The following THSD7B variants were observed in gnomAD, a reference collection of about 807,000 sequenced individuals.
THSD7B encodes the protein thrombospondin type-1 domain-containing protein 7B.
THSD7B carries 138 observed loss-of-function variants against 213.6 expected under a neutral mutation model. That is an observed-to-expected ratio of 0.65 (90% CI 0.56 to 0.74). The LOEUF is 0.74. THSD7B is among the 30% of genes least tolerant of loss of function. THSD7B has a pLI of 0.00. For synonymous variants in THSD7B, 742 were observed against 687.0 expected (o/e 1.08, Z -1.25); for missense variants, 1,931 against 1,991.5 (o/e 0.97, Z 0.58).
rs977464865 is a variant in THSD7B at position 137,339,099 on chromosome 2, AT to A, written c.2500+63080del. On this transcript the variant is annotated intron_variant, in intron 12 of 27. Transcript: ENST00000409968. ...TTAGAAATTGTTGAAGAATAAATAC[AT>A]TTTTTTCTGAATAAATATCTTTTGA... Among the ~76,000 whole-genome samples, 4 of 151,930 alleles carry A rather than the reference AT, an allele frequency of 2.6e-5. No individual in the cohort carries two copies. The East Asian group carries it at 5.8e-4, about 22-fold the overall frequency.
rs370934220 is a variant in THSD7B, at chr2:137,656,944, G to C, written c.4254G>C (p.Gln1418His). ...AGAACCAAGACAGCTGCCCCCAACA[G>C]GTTCTAGAAACACGCCCTTGTACAG... is the stretch of plus-strand genomic sequence containing the variant. ...SFENQDSCPQ[Q>H]VLETRPCTGG... The change falls in exon 23 of 28, where the codon CAG (glutamine) becomes CAC (histidine). Residue 1418 changes from glutamine to histidine, a missense_variant. Coordinates refer to ENST00000409968, the MANE Select transcript of THSD7B (RefSeq NM_001316349.2). The C allele has an allele frequency of 3.1e-6, 5 of 1,613,856 alleles. No individual in the cohort carries two copies. The African/African-American group carries it at 5.3e-5, about 17-fold the overall frequency.
At chr2:137,114,006 G>A (rs1280014234) in intron 4 of THSD7B, among the ~76,000 whole-genome samples, 2 of 152,012 alleles carry the variant, frequency 1.3e-5, no homozygotes, top group Non-Finnish European at 2.9e-5. Context: ...TCATTGTTAG[G>A]GATTTGTCAC....
At chr2:137,298,905 G>A (rs1683531134) in intron 12 of THSD7B, among the ~76,000 whole-genome samples, 2 of 152,214 alleles carry the variant, frequency 1.3e-5, no homozygotes, top group African/African-American at 4.8e-5. Context: ...GAGCAGTGCA[G>A]AATGGAACTG....
At position 137,086,041 on chromosome 2, in the gene THSD7B, A is replaced by T. The variant is rs550100349; in HGVS notation, c.951-8832A>T. Reference sequence around the variant, plus strand: ...TGTACTTAAACTCAGTAGGAAAAAAATACACGTTAGAAGTCTAAAAGTTGG... The same window carrying T: ...TGTACTTAAACTCAGTAGGAAAAAATTACACGTTAGAAGTCTAAAAGTTGG... On this transcript the variant is annotated intron_variant, in intron 3 of 27. Coordinates refer to ENST00000409968, the MANE Select transcript of THSD7B (RefSeq NM_001316349.2). 1.8e-4 allele frequency among the ~76,000 whole-genome samples: 28 copies of T among 152,266 alleles called. No homozygotes were observed. The South Asian group carries it at 5.8e-3, about 32-fold the overall frequency.
Position 137,016,225 on chromosome 2 carries a change from GC to G in THSD7B, c.140-40193del, listed in dbSNP as rs370147421. On this transcript the variant is annotated intron_variant, in intron 2 of 27. Transcript: ENST00000409968. ...AGTCACATATGAGGATTCTAGCCTG[GC>G]CAGCCTGATGTCAGAGTCTGCAATC... 9.2e-5 allele frequency among the ~76,000 whole-genome samples: 14 copies of G among 152,156 alleles called. No homozygotes were observed. The South Asian group carries it at 1.0e-3, about 11-fold the overall frequency.
chr2:137,245,690 C>G (rs1228053217), intron 10 of THSD7B, among the ~76,000 whole-genome samples: 1 of 152,156 alleles, frequency 6.6e-6, no homozygotes, highest in Non-Finnish European at 1.5e-5. Flanking sequence ...ATACTCTAAA[C>G]CCAGCCTAGT....
At chr2:136,786,004 C>T (rs1008492523) in intron 1 of THSD7B, among the ~76,000 whole-genome samples, 1 of 152,148 alleles carries the variant, frequency 6.6e-6, no homozygotes, top group African/African-American at 2.4e-5. Flanking sequence ...TTAACTGACA[C>T]ACAAGGATCA....
At chr2:137,216,886 C>A (rs1354856832) in intron 7 of THSD7B, among the ~76,000 whole-genome samples, 1 of 152,156 alleles carries the variant, frequency 6.6e-6, no homozygotes, top group Non-Finnish European at 1.5e-5. Flanking sequence ...TCTAGGTTAG[C>A]TGCCTAGTTG....
chr2:137,591,381 C>T (rs557652712), intron 17 of THSD7B, among the ~76,000 whole-genome samples: 1 of 151,952 alleles, frequency 6.6e-6, no homozygotes, highest in South Asian at 2.1e-4. Flanking sequence ...ATGTAGTATT[C>T]TCATTTTCAT....
In THSD7B at chr2:137,056,753, T is replaced by C. The variant is rs777760493; in HGVS notation, c.473T>C (p.Ile158Thr). 8.5e-5 allele frequency: 137 copies of C among 1,613,806 alleles called. No homozygotes were observed. Among genetic ancestry groups the C allele is most frequent in the Non-Finnish European group, 7.5e-5 (89 of 1,179,890 alleles). Residue 158 changes from isoleucine to threonine, a missense_variant, in exon 3 of 28, where the codon ATA becomes ACA. Ile to Thr is a moderately conservative substitution (Grantham distance 89, BLOSUM62 -1). Transcript: ENST00000409968. The stretch of plus-strand genomic sequence containing the variant: ...AACCGAACTGTGGTTGCAAATGAAA[T>C]ATGCGAACACTTTGCCCTTCAGCCT... ...KLNRTVVANE[I>T]CEHFALQPPT...
intron 1 of THSD7B, among the ~76,000 whole-genome samples, chr2:136,863,573 G>A (rs912391051): frequency 6.6e-6 from 1 of 152,146 alleles, no homozygotes; most frequent in African/African-American, 2.4e-5. Context: ...GATGGCTGTC[G>A]CAGTGACTAT....
chr2:137,667,771 C>T lies in THSD7B; in HGVS notation c.4652-3C>T, dbSNP rs1683477734. 1.3e-6 allele frequency: 2 copies of T among 1,599,598 alleles called. No individual in the cohort carries two copies. Among genetic ancestry groups the T allele is most frequent in the South Asian group, 2.3e-5 (2 of 88,580 alleles). ...CTTCTTATGTTATCTCTATTTTAAACAGATGGCCGAGTAAAAATTTGGGTT... is the reference window on the plus strand; with the variant it reads ...CTTCTTATGTTATCTCTATTTTAAATAGATGGCCGAGTAAAAATTTGGGTT... On this transcript the variant is annotated splice_polypyrimidine_tract_variant and splice_region_variant and intron_variant, in intron 26 of 27. Transcript: ENST00000409968.
chr2:137,456,506 G>A (rs1177103488), intron 15 of THSD7B, among the ~76,000 whole-genome samples: 4 of 152,136 alleles, frequency 2.6e-5, no homozygotes, highest in African/African-American at 4.8e-5. Context: ...CAACCAGCCC[G>A]ACTCTCTGAT....
At chr2:137,222,875 A>C (rs1193857336) in intron 7 of THSD7B, among the ~76,000 whole-genome samples, 1 of 152,208 alleles carries the variant, frequency 6.6e-6, no homozygotes, top group Non-Finnish European at 1.5e-5. Flanking sequence ...CCTGGGTCAG[A>C]AAGGAGGAGC....
chr2:137,381,482 G>T (rs1209570265), intron 12 of THSD7B, among the ~76,000 whole-genome samples: 1 of 152,194 alleles, frequency 6.6e-6, no homozygotes, highest in Non-Finnish European at 1.5e-5. Flanking sequence ...CCAGGTGCAG[G>T]TGGGGTGCCT....
chr2:136,944,097 G>A (rs181182780), intron 2 of THSD7B, among the ~76,000 whole-genome samples: 72 of 152,030 alleles, frequency 4.7e-4, no homozygotes, highest in Non-Finnish European at 8.8e-4. Context: ...GTTCTTATTG[G>A]TTTCAAAAAA....
chr2:137,242,460 T>G lies in THSD7B; in HGVS notation c.2154T>G (p.Cys718Trp). The G allele has an allele frequency of 6.2e-7, 1 of 1,612,870 alleles. No individual in the cohort carries two copies. The highest frequency in any genetic ancestry group is 8.5e-7 in the Non-Finnish European group (1 of 1,178,910). The part of the protein sequence containing the change: ...SHVGQVMTKR[C>W]PDSTRPETVR... The stretch of plus-strand genomic sequence containing the variant: ...CATGGTCTTTTCACATTGACAGATG[T>G]CCAGATTCTACTCGACCTGAAACTG... Residue 718 changes from cysteine (C) to tryptophan (W), a missense_variant, in exon 10 of 28, where the codon TGT becomes TGG. Physicochemically the swap from Cys to Trp is radical, Grantham distance 215 (BLOSUM62 -2). Transcript: ENST00000409968.
intron 4 of THSD7B, among the ~76,000 whole-genome samples, chr2:137,105,604 G>A (rs541324471): frequency 9.9e-5 from 15 of 152,266 alleles, no homozygotes; most frequent in Admixed American, 3.3e-4. Flanking sequence ...AGGAAGAGAG[G>A]AAGTCAAATT....
rs568119411 is a variant in THSD7B, at chr2:137,190,175, G to T, written c.1723+19237G>T. ...AACTAGAGAATTTCTGCTGCTTATT[G>T]TCTCCTATTTCTCATAGGCAATAGC... On this transcript the variant is annotated intron_variant, in intron 7 of 27. Transcript: ENST00000409968. 2.0e-5 allele frequency among the ~76,000 whole-genome samples: 3 copies of T among 152,262 alleles called. No homozygotes were observed. In the East Asian group the frequency reaches 5.8e-4, roughly 29 times the overall value.
Sources: gnomAD v4.1 joint callset for allele counts (sites outside exome capture counted in the v4.1 genomes callset) on GRCh38, gnomAD v4.1.1 for gene constraint, MANE v1.5 for transcripts, NCBI Gene and HGNC (gene_info 2026-07-23, HGNC 2026-07-21) for gene names.